FGF14: variants seen among roughly 807,000 people sequenced by gnomAD.
The protein encoded by FGF14 is fibroblast growth factor 14, also known as fibroblast growth factor homologous factor 4.
In FGF14, 5 loss-of-function variants were observed where a neutral mutation model predicts 25.5. The ratio of observed to expected loss-of-function variants is 0.20; its 90% CI spans 0.10 to 0.41. The LOEUF (loss-of-function observed/expected upper bound fraction) is 0.41, where lower values mean the gene tolerates loss of function less well. FGF14 is among the 10% of genes least tolerant of loss of function. FGF14 has a pLI of 1.00. For synonymous variants in FGF14, 138 were observed against 118.3 expected (o/e 1.17, Z -1.08); for missense variants, 222 against 320.1 (o/e 0.69, Z 2.34).
intron 1 of FGF14, among the ~76,000 whole-genome samples, chr13:101,925,212 AT>A (rs1326123842): frequency 1.3e-5 from 2 of 152,216 alleles, no homozygotes; most frequent in African/African-American, 4.8e-5. Flanking sequence ...ATGTTTTGGT[AT>A]ATTTTTCCAG....
At chr13:101,779,347 G>A (rs1207397772) in intron 3 of FGF14, among the ~76,000 whole-genome samples, 31 of 152,048 alleles carry the variant, frequency 2.0e-4, no homozygotes, top group African/African-American at 2.4e-5. Flanking sequence ...AACAATACAC[G>A]TTTCTTCCTG....
At position 101,771,294 on chromosome 13, in the gene FGF14, T is replaced by C. The variant is rs181671396; in HGVS notation, c.409-44484A>G. On this transcript the variant is annotated intron_variant, in intron 3 of 4. Coordinates refer to ENST00000376143, the MANE Select transcript of FGF14 (RefSeq NM_004115.4). ...GTAGAAGAAAGCTTTGGCAAATACATTGAGGCTAATGAGACACATGATGAA... is the reference window on the plus strand; with the variant it reads ...GTAGAAGAAAGCTTTGGCAAATACACTGAGGCTAATGAGACACATGATGAA... 3.4e-4 allele frequency among the ~76,000 whole-genome samples: 51 copies of C among 152,164 alleles called. No individual in the cohort carries two copies. In the East Asian group the frequency reaches 3.5e-3, roughly 10 times the overall value.
Position 101,880,703 on chromosome 13 carries a change from C to T in FGF14, c.194-5407G>A, listed in dbSNP as rs545125408. On this transcript the variant is annotated intron_variant, in intron 1 of 4. Transcript: ENST00000376143. The stretch of plus-strand genomic sequence containing the variant: ...ATCAATCAGCCATGTGTTAAATTAG[C>T]GGGTTTGCATGTCTTTCTGCTCTGC... Among the ~76,000 whole-genome samples the T allele has an allele frequency of 1.0e-3, 153 of 152,240 alleles. 1 individual carries two copies. The highest frequency in any genetic ancestry group is 3.4e-3 in the African/African-American group (142 of 41,554).
At chr13:101,974,194 A>G (rs534473843) in intron 1 of FGF14, among the ~76,000 whole-genome samples, 1 of 152,330 alleles carries the variant, frequency 6.6e-6, no homozygotes, top group Admixed American at 6.5e-5. Context: ...AATTGTTACC[A>G]TTTGAAGATC....
chr13:101,869,354 T>C (rs1341286074), intron 2 of FGF14, among the ~76,000 whole-genome samples: 1 of 152,184 alleles, frequency 6.6e-6, no homozygotes, highest in African/African-American at 2.4e-5. Context: ...AGGAGCTAAA[T>C]TTAGAAAGAA....
At chr13:101,730,001 A>G (rs548966074) in intron 3 of FGF14, among the ~76,000 whole-genome samples, 134 of 152,318 alleles carry the variant, frequency 8.8e-4, no homozygotes, top group African/African-American at 3.0e-3. Flanking sequence ...ATAGTTCATC[A>G]CTGAGATACA....
At chr13:102,391,964 TA>T (rs2058443209) in intron 1 of FGF14, among the ~76,000 whole-genome samples, 1 of 152,220 alleles carries the variant, frequency 6.6e-6, no homozygotes, top group African/African-American at 2.4e-5. Context: ...AATTATGAGA[TA>T]TGATTTCTCT....
upstream of FGF14, among the ~76,000 whole-genome samples, chr13:101,917,037 G>A (rs1025131887): frequency 6.6e-6 from 1 of 151,548 alleles, no homozygotes; most frequent in African/African-American, 2.4e-5. Flanking sequence ...GCTCCCGGGC[G>A]GGAGGTAGAG....
intron 1 of FGF14, among the ~76,000 whole-genome samples, chr13:101,973,326 C>A (rs1374360620): frequency 6.6e-6 from 1 of 152,094 alleles, no homozygotes; most frequent in Admixed American, 6.5e-5. Context: ...AACTTGAACA[C>A]CATGTATAAA....
intron 1 of FGF14, among the ~76,000 whole-genome samples, chr13:101,878,823 A>G (rs1393771470): frequency 6.6e-6 from 1 of 152,132 alleles, no homozygotes; most frequent in Non-Finnish European, 1.5e-5. Flanking sequence ...TGTGTAAGAC[A>G]AACATGTATT....
At chr13:102,371,583 G>C (rs541774366) in intron 1 of FGF14, among the ~76,000 whole-genome samples, 1 of 152,110 alleles carries the variant, frequency 6.6e-6, no homozygotes, top group Non-Finnish European at 1.5e-5. Context: ...TGTCAATATT[G>C]TATCTGTTTC....
intron 1 of FGF14, among the ~76,000 whole-genome samples, chr13:101,905,123 T>C (rs1408054616): frequency 6.6e-6 from 1 of 151,932 alleles, no homozygotes; most frequent in African/African-American, 2.4e-5. Context: ...CAGAAAGGAG[T>C]GGAGGCAGAT....
intron 1 of FGF14, among the ~76,000 whole-genome samples, chr13:102,345,301 T>C (rs574416351): frequency 7.2e-4 from 109 of 152,332 alleles, no homozygotes; most frequent in Non-Finnish European, 1.4e-3. Context: ...AGCAAGCACA[T>C]ACATCTTACA....
intron 1 of FGF14, among the ~76,000 whole-genome samples, chr13:101,968,660 G>A (rs932441407): frequency 7.7e-5 from 10 of 129,320 alleles, no homozygotes; most frequent in African/African-American, 1.8e-4. Context: ...GCGACAGAGC[G>A]AGACTCCGTC....
At chr13:101,964,966 G>T (rs192493470) in intron 1 of FGF14, among the ~76,000 whole-genome samples, 26 of 152,208 alleles carry the variant, frequency 1.7e-4, no homozygotes, top group African/African-American at 5.8e-4. Context: ...TTATGGCCAG[G>T]CATAGTGGGT....
chr13:102,269,272 C>T (rs2053136108), intron 1 of FGF14, among the ~76,000 whole-genome samples: 1 of 152,144 alleles, frequency 6.6e-6, no homozygotes, highest in South Asian at 2.1e-4. Flanking sequence ...CAATAGACTA[C>T]AATTGTAAAA....
chr13:101,975,743 G>A (rs529192414), intron 1 of FGF14, among the ~76,000 whole-genome samples: 2 of 152,308 alleles, frequency 1.3e-5, no homozygotes, highest in East Asian at 3.9e-4. Flanking sequence ...GATTCAGAGA[G>A]GGAACTTACT....
At chr13:101,901,495 G>C (rs1462240240) in intron 1 of FGF14, among the ~76,000 whole-genome samples, 1 of 152,164 alleles carries the variant, frequency 6.6e-6, no homozygotes, top group Non-Finnish European at 1.5e-5. Flanking sequence ...CCTGAGGTCA[G>C]GAGTTCAAGA....
At chr13:102,185,178 C>T (rs1317486180) in intron 1 of FGF14, among the ~76,000 whole-genome samples, 1 of 152,010 alleles carries the variant, frequency 6.6e-6, no homozygotes, top group African/African-American at 2.4e-5. Context: ...CTCTACAAAG[C>T]ACATGCCTCA....
Sources: gnomAD v4.1 joint callset for allele counts (sites outside exome capture counted in the v4.1 genomes callset) on GRCh38, gnomAD v4.1.1 for gene constraint, MANE v1.5 for transcripts, NCBI Gene and HGNC (gene_info 2026-07-23, HGNC 2026-07-21) for gene names.